PTAFR: variants seen among roughly 807,000 people sequenced by gnomAD.
PTAFR encodes the protein platelet activating factor receptor, also known as platelet-activating factor receptor.
A neutral mutation model predicts 14.7 loss-of-function variants in PTAFR; 8 were observed. That is an observed-to-expected ratio of 0.54 (90% confidence interval 0.32 to 0.98). PTAFR has a LOEUF of 0.98. PTAFR is among the 50% of genes least tolerant of loss of function. PTAFR has a pLI of 0.04. For synonymous variants in PTAFR, 156 were observed against 176.5 expected (o/e 0.88, Z 0.92); for missense variants, 337 against 451.2 (o/e 0.75, Z 2.29).
At chr1:28,155,452 G>A (rs1186315000) in intron 1 of PTAFR, among the ~76,000 whole-genome samples, 9 of 151,950 alleles carry the variant, frequency 5.9e-5, no homozygotes, top group African/African-American at 1.9e-4. Flanking sequence ...CTCATGATCC[G>A]CCACCTCGGC....
In PTAFR at chr1:28,166,478, C is replaced by A. The variant is rs554574179; in HGVS notation, c.-39+10114G>T. The stretch of plus-strand genomic sequence containing the variant: ...CCTGAGGTCAGGAGTTGAAGACCAG[C>A]CTGGCCAACATGGTGAAATCCCGTC... On this transcript the variant is annotated intron_variant, in intron 1 of 1. Coordinates refer to ENST00000373857, the MANE Select transcript of PTAFR (RefSeq NM_000952.5). Among the ~76,000 whole-genome samples the A allele has an allele frequency of 1.3e-3, 199 of 152,210 alleles. 2 individuals are homozygous for A. Among genetic ancestry groups the A allele is most frequent in the Non-Finnish European group, 4.0e-4 (27 of 68,022 alleles).
At chr1:28,167,013 T>C (rs569772478) in intron 1 of PTAFR, among the ~76,000 whole-genome samples, 1 of 152,226 alleles carries the variant, frequency 6.6e-6, no homozygotes, top group Admixed American at 6.5e-5. Context: ...GTTATTTACA[T>C]TAAAAACAAT....
chr1:28,158,992 G>A (rs1646295956), intron 1 of PTAFR, among the ~76,000 whole-genome samples: 1 of 152,184 alleles, frequency 6.6e-6, no homozygotes, highest in Non-Finnish European at 1.5e-5. Flanking sequence ...AGAGTTATTT[G>A]GGAAATCAGA....
chr1:28,175,129 G>T (rs184772631), intron 1 of PTAFR, among the ~76,000 whole-genome samples: 105 of 152,056 alleles, frequency 6.9e-4, no homozygotes, highest in African/African-American at 2.5e-3. Flanking sequence ...CGCCAGGATG[G>T]TCTCCATCTC....
intron 1 of PTAFR, among the ~76,000 whole-genome samples, chr1:28,152,480 G>A (rs1646205317): frequency 6.6e-6 from 1 of 152,084 alleles, no homozygotes; most frequent in South Asian, 2.1e-4. Flanking sequence ...TTGTATGCCT[G>A]TAGTCCCAGC....
chr1:28,158,019 C>G (rs552011873), intron 1 of PTAFR, among the ~76,000 whole-genome samples: 2 of 152,324 alleles, frequency 1.3e-5, no homozygotes, highest in African/African-American at 4.8e-5. Context: ...CTCATTCATG[C>G]ATTCGTTGGA....
intron 1 of PTAFR, among the ~76,000 whole-genome samples, chr1:28,167,800 G>T (rs1017162425): frequency 2.0e-5 from 3 of 151,210 alleles, no homozygotes; most frequent in Non-Finnish European, 2.9e-5. Context: ...CACCTCGCCC[G>T]GCTAATTTTT....
intron 1 of PTAFR, among the ~76,000 whole-genome samples, chr1:28,151,879 T>C (rs1278924617): frequency 1.3e-5 from 2 of 151,980 alleles, no homozygotes; most frequent in Admixed American, 1.3e-4. Flanking sequence ...CTCTTCCTTT[T>C]TTCTCTTCTT....
intron 1 of PTAFR, among the ~76,000 whole-genome samples, chr1:28,175,208 G>A (rs748095922): frequency 2.6e-5 from 4 of 152,002 alleles, no homozygotes; most frequent in South Asian, 4.1e-4. Context: ...CACCATGCCC[G>A]GCCCACAGAG....
At chr1:28,188,432 G>A (rs1347578649) in intron 1 of PTAFR, among the ~76,000 whole-genome samples, 1 of 151,958 alleles carries the variant, frequency 6.6e-6, no homozygotes, top group African/African-American at 2.4e-5. Context: ...GGTGACAGAG[G>A]GGGACTCTGT....
intron 1 of PTAFR, among the ~76,000 whole-genome samples, chr1:28,159,086 A>AT (rs546784335): frequency 7.8e-4 from 118 of 152,200 alleles, no homozygotes; most frequent in Non-Finnish European, 1.1e-3. Flanking sequence ...GGGCCAGATG[A>AT]TTGAGGACAT....
chr1:28,184,082 GTTTTTTT>G (rs1165813776), intron 1 of PTAFR, among the ~76,000 whole-genome samples: 2 of 82,416 alleles, frequency 2.4e-5, no homozygotes, highest in South Asian at 4.1e-4. Flanking sequence ...CCATTAGTCT[GTTTTTTT>G]TTTTTTTTTT....
intron 1 of PTAFR, among the ~76,000 whole-genome samples, chr1:28,153,581 CAAAAAAA>C (rs36049566): frequency 1.6e-4 from 10 of 62,658 alleles, no homozygotes; most frequent in Admixed American, 3.6e-4. Context: ...CCTGTCTCTA[CAAAAAAA>C]AAAAAAAAAA....
At chr1:28,182,114 T>C (rs1301188215) in intron 1 of PTAFR, among the ~76,000 whole-genome samples, 1 of 149,504 alleles carries the variant, frequency 6.7e-6, no homozygotes, top group Non-Finnish European at 1.5e-5. Flanking sequence ...GGTGGGTGGA[T>C]CACTTGAAGT....
chr1:28,184,013 C>CCA (rs1646583749), intron 1 of PTAFR, among the ~76,000 whole-genome samples: 1 of 152,010 alleles, frequency 6.6e-6, no homozygotes, highest in Non-Finnish European at 1.5e-5. Context: ...CCAAGTCCCT[C>CCA]CACCTCCCCG....
At chr1:28,159,903 C>A (rs1248503854) in intron 1 of PTAFR, among the ~76,000 whole-genome samples, 1 of 151,806 alleles carries the variant, frequency 6.6e-6, no homozygotes, top group East Asian at 1.9e-4. Flanking sequence ...TCAAATAAAC[C>A]AACTGTAAAA....
chr1:28,150,507 C>A lies in PTAFR; in HGVS notation c.515G>T (p.Arg172Leu). Residue 172 changes from arginine to leucine, a missense_variant, in exon 2 of 2, where the codon CGC becomes CTC. Arg to Leu is a moderately radical substitution (Grantham distance 102). Transcript: ENST00000373857. This position sits in a 1 kb window ranked among gnomAD's most constrained non-coding sequence, Gnocchi z 6.3. ...GCCCTTCTCGTAATGCTCAAAGCAGCGAGTGACGTTGCCTGAGCCAGCACT... is the reference window on the plus strand; with the variant it reads ...GCCCTTCTCGTAATGCTCAAAGCAGAGAGTGACGTTGCCTGAGCCAGCACT... ...PDSAGSGNVT[R>L]CFEHYEKGSV... is the part of the protein sequence containing the mutation. 6.2e-7 allele frequency: 1 copy of A among 1,614,174 alleles called. No individual in the cohort carries two copies. Among genetic ancestry groups the A allele is most frequent in the Non-Finnish European group, 8.5e-7 (1 of 1,180,030 alleles).
At chr1:28,188,120 T>C (rs1646621622) in intron 1 of PTAFR, among the ~76,000 whole-genome samples, 1 of 151,510 alleles carries the variant, frequency 6.6e-6, no homozygotes, top group Non-Finnish European at 1.5e-5. Flanking sequence ...AAAACCAGCC[T>C]GGGCAACATA....
Position 28,170,192 on chromosome 1 carries a change from C to T in PTAFR, c.-39+6400G>A, listed in dbSNP as rs572782806. On this transcript the variant is annotated intron_variant, in intron 1 of 1. Coordinates refer to ENST00000373857, the MANE Select transcript of PTAFR (RefSeq NM_000952.5). ...CTTTTGGACTGGGAATTCCCAAGGG[C>T]CAAGGCTTCTGGCATATCACCAATA... Among the ~76,000 whole-genome samples the T allele has an allele frequency of 3.7e-3, 563 of 152,266 alleles. 1 individual carries two copies. Among genetic ancestry groups the T allele is most frequent in the Non-Finnish European group, 5.3e-3 (361 of 68,024 alleles).
Sources: allele counts gnomAD v4.1 joint callset (sites outside exome capture counted in the v4.1 genomes callset), GRCh38; gene constraint gnomAD v4.1.1; non-coding constraint Gnocchi (gnomAD v3.1); transcripts MANE v1.5; gene names NCBI Gene and HGNC (gene_info 2026-07-23, HGNC 2026-07-21).